NAALADL2: variants seen among roughly 807,000 people sequenced by gnomAD.
The protein encoded by NAALADL2 is inactive N-acetylated-alpha-linked acidic dipeptidase-like protein 2.
Under a neutral mutation model 87.2 loss-of-function variants are expected in NAALADL2, and 76 were observed. That is an observed-to-expected ratio of 0.87 (90% CI 0.72 to 1.05). The LOEUF (loss-of-function observed/expected upper bound fraction) is 1.05. NAALADL2 is among the 50% of genes least tolerant of loss of function. NAALADL2 has a pLI of 0.00. For missense variants in NAALADL2, 1,089 were observed against 945.8 expected (o/e 1.15, Z -1.99); for synonymous variants, 354 against 331.0 (o/e 1.07, Z -0.75).
intron 2 of NAALADL2, among the ~76,000 whole-genome samples, chr3:174,698,327 T>C (rs944207595): frequency 6.6e-6 from 1 of 152,132 alleles, no homozygotes; most frequent in Non-Finnish European, 1.5e-5. Context: ...GATGCTGTTT[T>C]AATTTTACCC....
At chr3:175,720,118 A>T (rs1231555243) in intron 11 of NAALADL2, among the ~76,000 whole-genome samples, 1 of 152,208 alleles carries the variant, frequency 6.6e-6, no homozygotes, top group Non-Finnish European at 1.5e-5. Context: ...ACATAGACAT[A>T]TGTGCACAGA....
chr3:175,013,368 G>A (rs573648948), intron 1 of NAALADL2, among the ~76,000 whole-genome samples: 2 of 126,844 alleles, frequency 1.6e-5, no homozygotes, highest in East Asian at 2.2e-4. Context: ...GTGTGATCTC[G>A]GCTCATTGAA....
At chr3:175,801,601 A>T (rs9290570) in intron 13 of NAALADL2, among the ~76,000 whole-genome samples, 28,142 of 151,890 alleles carry the variant, frequency 0.19, 3,664 homozygotes, top group African/African-American at 0.37. Flanking sequence ...TTCAAGATGC[A>T]ATTTAAATAT....
chr3:174,796,325 A>T (rs1718080370), intron 3 of NAALADL2, among the ~76,000 whole-genome samples: 1 of 152,194 alleles, frequency 6.6e-6, no homozygotes, highest in Non-Finnish European at 1.5e-5. Context: ...TCATCTGAAT[A>T]ATGTACATTA....
chr3:174,857,248 A>G (rs1228622276), upstream of NAALADL2, among the ~76,000 whole-genome samples: 3 of 152,224 alleles, frequency 2.0e-5, no homozygotes, highest in Admixed American at 2.0e-4. Context: ...GCATGCACAA[A>G]GACCCAGAAG....
chr3:175,786,222 T>C (rs1251295657), intron 13 of NAALADL2, among the ~76,000 whole-genome samples: 1 of 151,942 alleles, frequency 6.6e-6, no homozygotes, highest in Non-Finnish European at 1.5e-5. Context: ...GCGTTCTCTG[T>C]ATTTCCTGAA....
At chr3:174,857,080 A>G (rs891044397), upstream of NAALADL2, among the ~76,000 whole-genome samples, 13 of 152,132 alleles carry the variant, frequency 8.5e-5, no homozygotes, top group South Asian at 4.1e-4. Context: ...TAGAATTGTT[A>G]AGGGGTGTCT....
intron 5 of NAALADL2, among the ~76,000 whole-genome samples, chr3:175,396,432 T>A (rs953727935): frequency 7.9e-5 from 12 of 152,308 alleles, no homozygotes; most frequent in African/African-American, 2.6e-4. Flanking sequence ...ACATCACTAA[T>A]ATTTTATTAA....
At position 174,921,893 on chromosome 3, in the gene NAALADL2, C is replaced by T. The variant is rs548155739; in HGVS notation, c.43+62443C>T. Among the ~76,000 whole-genome samples the T allele has an allele frequency of 3.3e-5, 5 of 150,418 alleles. No individual in the cohort carries two copies. In the South Asian group the frequency reaches 8.5e-4, roughly 26 times the overall value. On this transcript the variant is annotated intron_variant, in intron 1 of 13. Coordinates refer to ENST00000454872, the MANE Select transcript of NAALADL2 (RefSeq NM_207015.3). Reference sequence around the variant, plus strand: ...GCAAAATCCATTTGGCAGGAAAATACTTTTACCCAGAATGTTTGCACATAG... The same window carrying T: ...GCAAAATCCATTTGGCAGGAAAATATTTTTACCCAGAATGTTTGCACATAG...
intron 1 of NAALADL2, among the ~76,000 whole-genome samples, chr3:174,946,785 C>T (rs1197611053): frequency 1.3e-5 from 2 of 152,142 alleles, no homozygotes; most frequent in Non-Finnish European, 2.9e-5. Context: ...ACTTAGGTCT[C>T]TGACAGTTCT....
At chr3:175,613,139 T>C (rs764993796) in intron 10 of NAALADL2, among the ~76,000 whole-genome samples, 1 of 152,172 alleles carries the variant, frequency 6.6e-6, no homozygotes, top group Non-Finnish European at 1.5e-5. Context: ...CATCTCTTGG[T>C]GTGTCTGATA....
At chr3:175,313,299 A>T (rs559882737) in intron 4 of NAALADL2, among the ~76,000 whole-genome samples, 57 of 152,258 alleles carry the variant, frequency 3.7e-4, no homozygotes, top group African/African-American at 1.3e-3. Context: ...AGGGAACACA[A>T]TTCAGTCCAT....
At chr3:174,992,702 T>C (rs906986299) in intron 1 of NAALADL2, among the ~76,000 whole-genome samples, 1 of 152,112 alleles carries the variant, frequency 6.6e-6, no homozygotes, top group East Asian at 1.9e-4. Context: ...AAAAATGATA[T>C]TAAAGTGTGG....
At chr3:175,182,184 C>T (rs1736660246) in intron 2 of NAALADL2, among the ~76,000 whole-genome samples, 1 of 151,926 alleles carries the variant, frequency 6.6e-6, no homozygotes, top group Non-Finnish European at 1.5e-5. Flanking sequence ...TGTTGGCCAT[C>T]AGTATGTCTT....
At chr3:175,081,397 G>T (rs1987541725) in intron 1 of NAALADL2, among the ~76,000 whole-genome samples, 1 of 152,122 alleles carries the variant, frequency 6.6e-6, no homozygotes, top group Non-Finnish European at 1.5e-5. Flanking sequence ...TCTTTCTGGG[G>T]TAATCCAGTT....
intron 3 of NAALADL2, among the ~76,000 whole-genome samples, chr3:174,781,204 A>G (rs894007327): frequency 3.3e-5 from 5 of 151,914 alleles, no homozygotes; most frequent in African/African-American, 1.2e-4. Flanking sequence ...TCTGGCTGCC[A>G]TTACCATTTT....
chr3:174,879,841 C>T (rs1171311202), intron 1 of NAALADL2, among the ~76,000 whole-genome samples: 1 of 151,998 alleles, frequency 6.6e-6, no homozygotes, highest in African/African-American at 2.4e-5. Context: ...CTCTTATCAG[C>T]GTCACTAATT....
At chr3:175,016,335 G>A (rs577069086) in intron 1 of NAALADL2, among the ~76,000 whole-genome samples, 32 of 149,798 alleles carry the variant, frequency 2.1e-4, no homozygotes, top group East Asian at 9.8e-4. Context: ...AGAATATTAC[G>A]TGACTCATTA....
chr3:175,366,797 C>T (rs1449490514), intron 5 of NAALADL2, among the ~76,000 whole-genome samples: 1 of 151,530 alleles, frequency 6.6e-6, no homozygotes, highest in Non-Finnish European at 1.5e-5. Flanking sequence ...AATTTTCTCC[C>T]ATTTTGTAGG....
Sources: gnomAD v4.1 joint callset for allele counts (sites outside exome capture counted in the v4.1 genomes callset) on GRCh38, gnomAD v4.1.1 for gene constraint, MANE v1.5 for transcripts, NCBI Gene and HGNC (gene_info 2026-07-23, HGNC 2026-07-21) for gene names.